The following SDK1 variants were observed in gnomAD, a reference collection of about 807,000 sequenced individuals.
The protein encoded by SDK1 is protein sidekick-1.
Under a neutral mutation model 245.5 loss-of-function variants are expected in SDK1, and 157 were observed. The ratio of observed to expected loss-of-function variants is 0.64; its 90% CI spans 0.56 to 0.73. The LOEUF (loss-of-function observed/expected upper bound fraction) is 0.73, where lower values mean the gene tolerates loss of function less well. SDK1 is among the 30% of genes least tolerant of loss of function. The pLI is 0.00. For synonymous variants in SDK1, 1,647 were observed against 1,278.5 expected (o/e 1.29, Z -6.15); for missense variants, 3,583 against 3,002.3 (o/e 1.19, Z -4.52).
chr7:3,804,506 C>T (rs71527459), intron 4 of SDK1, among the ~76,000 whole-genome samples: 5,245 of 152,238 alleles, frequency 0.034, 126 homozygotes, highest in South Asian at 0.049. Context: ...AGACTTATTC[C>T]TCCCACTTTT....
intron 1 of SDK1, among the ~76,000 whole-genome samples, chr7:3,600,845 G>A (rs1026758530): frequency 6.6e-6 from 1 of 152,144 alleles, no homozygotes; most frequent in Non-Finnish European, 1.5e-5. Context: ...ACCGTGCCTG[G>A]CCAATGTAGG....
intron 5 of SDK1, among the ~76,000 whole-genome samples, chr7:3,926,738 T>G (rs1487455722): frequency 6.6e-6 from 1 of 152,216 alleles, no homozygotes; most frequent in Non-Finnish European, 1.5e-5. Flanking sequence ...CACCACTTTC[T>G]ACGACTCCGT....
At chr7:4,034,049 G>GT (rs2082242167) in intron 17 of SDK1, among the ~76,000 whole-genome samples, 1 of 152,184 alleles carries the variant, frequency 6.6e-6, no homozygotes, top group African/African-American at 2.4e-5. Context: ...TCAGAACTGT[G>GT]TACCACTGGA....
chr7:4,032,713 C>T (rs1159665405), intron 17 of SDK1, among the ~76,000 whole-genome samples: 1 of 152,146 alleles, frequency 6.6e-6, no homozygotes, highest in African/African-American at 2.4e-5. Flanking sequence ...GAGAGAAGAT[C>T]CCATTTACAA....
At chr7:3,402,940 T>C (rs1442779834) in intron 1 of SDK1, among the ~76,000 whole-genome samples, 2 of 149,546 alleles carry the variant, frequency 1.3e-5, no homozygotes, top group Admixed American at 6.6e-5. Flanking sequence ...TCTATTCCTC[T>C]GTTTCTTTCT....
At chr7:3,311,661 T>A (rs1005931311) in intron 1 of SDK1, among the ~76,000 whole-genome samples, 1 of 152,248 alleles carries the variant, frequency 6.6e-6, no homozygotes, top group African/African-American at 2.4e-5. Context: ...CTGTTTCATA[T>A]GTTGCGACTC....
Position 4,103,863 on chromosome 7 carries a change from G to A in SDK1, c.3325-6800G>A, listed in dbSNP as rs568946560. Among the ~76,000 whole-genome samples, 8 of 152,354 alleles carry A rather than the reference G, an allele frequency of 5.3e-5. No homozygotes were observed. The South Asian group carries it at 1.4e-3, about 28-fold the overall frequency. The stretch of plus-strand genomic sequence containing the variant: ...TTGCCACACTTTCTGTAAAGGTCCC[G>A]ATAGTGAATACTTGAGGCTTTCCAG... On this transcript the variant is annotated intron_variant, in intron 22 of 44. Coordinates refer to ENST00000404826, the MANE Select transcript of SDK1 (RefSeq NM_152744.4).
At chr7:4,191,923 A>G (rs572371195) in intron 35 of SDK1, among the ~76,000 whole-genome samples, 1 of 152,336 alleles carries the variant, frequency 6.6e-6, no homozygotes, top group African/African-American at 2.4e-5. Flanking sequence ...GCACCAGAAC[A>G]GCAGATTTGA....
intron 1 of SDK1, among the ~76,000 whole-genome samples, chr7:3,463,726 C>G (rs990295203): frequency 5.9e-5 from 9 of 152,232 alleles, no homozygotes; most frequent in African/African-American, 2.2e-4. Flanking sequence ...ATTTCCCCCT[C>G]TCTGCTGGTC....
At chr7:3,757,581 C>G (rs1158499727) in intron 4 of SDK1, among the ~76,000 whole-genome samples, 1 of 152,072 alleles carries the variant, frequency 6.6e-6, no homozygotes, top group African/African-American at 2.4e-5. Flanking sequence ...ATAAAGGATA[C>G]AACTCAGGAA....
rs529184946 is a variant in SDK1 at position 3,520,465 on chromosome 7, G to C, written c.299-98615G>C. ...CTGTCGAACTCTGCTGTGTTTGGTG[G>C]TGCAGACTACACCCTGAATCCTGTT... On this transcript the variant is annotated intron_variant, in intron 1 of 44. Transcript: ENST00000404826. Among the ~76,000 whole-genome samples, 9 of 152,240 alleles carry C rather than the reference G, an allele frequency of 5.9e-5. No homozygotes were observed. In the South Asian group the frequency reaches 1.7e-3, roughly 28 times the overall value.
chr7:4,085,230 A>G (rs796227324), intron 22 of SDK1, among the ~76,000 whole-genome samples: 4 of 152,338 alleles, frequency 2.6e-5, no homozygotes, highest in African/African-American at 9.6e-5. Context: ...TTAAAACACA[A>G]ATACTATTAG....
At chr7:3,726,323 A>C (rs1436765565) in intron 4 of SDK1, among the ~76,000 whole-genome samples, 1 of 152,214 alleles carries the variant, frequency 6.6e-6, no homozygotes, top group East Asian at 1.9e-4. Context: ...TGAAGAACGA[A>C]GTTAGTGCTT....
chr7:3,586,037 G>A lies in SDK1; in HGVS notation c.299-33043G>A, dbSNP rs371897190. 2.8e-4 allele frequency among the ~76,000 whole-genome samples: 43 copies of A among 152,264 alleles called. No individual in the cohort carries two copies. The East Asian group carries it at 2.9e-3, about 10-fold the overall frequency. On this transcript the variant is annotated intron_variant, in intron 1 of 44. Coordinates refer to ENST00000404826, the MANE Select transcript of SDK1 (RefSeq NM_152744.4). Reference sequence around the variant, plus strand: ...TGATTGAGTGGAAGAGAGCTACATTGCTGTGCTAAGTAAAGGAAGAGGAAT... The same window carrying A: ...TGATTGAGTGGAAGAGAGCTACATTACTGTGCTAAGTAAAGGAAGAGGAAT...
intron 5 of SDK1, among the ~76,000 whole-genome samples, chr7:3,920,196 C>T (rs1779538570): frequency 6.6e-6 from 1 of 152,150 alleles, no homozygotes; most frequent in Non-Finnish European, 1.5e-5. Flanking sequence ...CGCTGTGCAT[C>T]CTGAGTCTTC....
At chr7:3,397,788 A>G (rs1009499507) in intron 1 of SDK1, among the ~76,000 whole-genome samples, 2 of 152,018 alleles carry the variant, frequency 1.3e-5, no homozygotes, top group African/African-American at 4.8e-5. Flanking sequence ...TAGGGTTTTT[A>G]TCTCTGCTTA....
intron 13 of SDK1, among the ~76,000 whole-genome samples, chr7:3,975,531 A>G (rs1782855120): frequency 6.6e-6 from 1 of 152,212 alleles, no homozygotes; most frequent in South Asian, 2.1e-4. Flanking sequence ...TGATCCCTGA[A>G]TCCCAAGACT....
At chr7:3,636,419 A>G (rs1487324785) in intron 2 of SDK1, among the ~76,000 whole-genome samples, 2 of 152,036 alleles carry the variant, frequency 1.3e-5, no homozygotes, top group East Asian at 3.9e-4. Context: ...GCTTCTATGA[A>G]CTGGACTATT....
intron 1 of SDK1, among the ~76,000 whole-genome samples, chr7:3,356,966 A>T (rs901543849): frequency 1.1e-5 from 1 of 91,550 alleles, no homozygotes; most frequent in Non-Finnish European, 2.1e-5. Context: ...GAGGCAGAAG[A>T]ACCGCTTGAA....
Sources: gnomAD v4.1 joint callset for allele counts (sites outside exome capture counted in the v4.1 genomes callset) on GRCh38, gnomAD v4.1.1 for gene constraint, MANE v1.5 for transcripts, NCBI Gene and HGNC (gene_info 2026-07-23, HGNC 2026-07-21) for gene names.